Variants in TRHDE observed in about 807,000 individuals in gnomAD.
The protein encoded by TRHDE is thyrotropin-releasing hormone-degrading ectoenzyme.
TRHDE carries 72 observed loss-of-function variants against 125.7 expected under a neutral mutation model. The ratio of observed to expected loss-of-function variants is 0.57; its 90% confidence interval spans 0.47 to 0.70. The LOEUF (loss-of-function observed/expected upper bound fraction) is 0.70. Among genes scored for constraint, TRHDE ranks in the 30% least tolerant of loss-of-function variants. The probability of loss-of-function intolerance (pLI) is 0.00; values close to 1 mark genes in which losing one functional copy is unlikely to be tolerated. For synonymous variants in TRHDE, 509 were observed against 509.1 expected, an observed-to-expected ratio of 1.00 and a Z score of 0.00; for missense variants, 1,110 against 1,327.1, an observed-to-expected ratio of 0.84 and a Z score of 2.54.
chr12:72,269,216 T>A (rs548027365), upstream of TRHDE, among the ~76,000 whole-genome samples: 30 of 152,268 alleles, frequency 2.0e-4, no homozygotes, highest in African/African-American at 7.2e-4. Context: ...GAAAGCGTGC[T>A]ATATATTTTC....
intron 1 of TRHDE, among the ~76,000 whole-genome samples, chr12:72,103,957 G>A (rs115300488): frequency 0.028 from 4,329 of 152,164 alleles, 112 homozygotes; most frequent in African/African-American, 0.063. Flanking sequence ...AGCTGTAGAA[G>A]GCAAGGTATA....
At chr12:72,115,208 T>C (rs1875415131) in intron 2 of TRHDE, among the ~76,000 whole-genome samples, 1 of 151,390 alleles carries the variant, frequency 6.6e-6, no homozygotes, top group South Asian at 2.1e-4. Flanking sequence ...TTTGTAACCC[T>C]TACCATTCCT....
chr12:72,257,128 G>A (rs907829777), intron 2 of TRHDE: 1 of 152,018 alleles, frequency 6.6e-6, no homozygotes, highest in Non-Finnish European at 1.5e-5. Flanking sequence ...TATTATTGGA[G>A]TGATTATGAG....
chr12:72,473,456 T>C (rs1876745541), intron 5 of TRHDE, among the ~76,000 whole-genome samples: 1 of 152,144 alleles, frequency 6.6e-6, no homozygotes, highest in South Asian at 2.1e-4. Context: ...TAAAGGCAAA[T>C]TGTCCTTTAA....
intron 2 of TRHDE, among the ~76,000 whole-genome samples, chr12:72,234,167 A>T (rs1029645962): frequency 1.3e-5 from 2 of 152,034 alleles, no homozygotes; most frequent in Non-Finnish European, 2.9e-5. Context: ...GAATTAAAGA[A>T]TTTTTTTTCT....
At chr12:72,219,931 G>A (rs1355506218) in intron 2 of TRHDE, among the ~76,000 whole-genome samples, 2 of 152,140 alleles carry the variant, frequency 1.3e-5, no homozygotes, top group Non-Finnish European at 2.9e-5. Context: ...TGGGATCTGG[G>A]AAAAGCACTG....
intron 2 of TRHDE, among the ~76,000 whole-genome samples, chr12:72,336,679 C>G (rs1869843263): frequency 6.6e-6 from 1 of 152,274 alleles, no homozygotes; most frequent in South Asian, 2.1e-4. Flanking sequence ...TGGTGAGGGC[C>G]TTTGTGCTGT....
At chr12:72,476,289 T>G (rs1028558426) in intron 5 of TRHDE, among the ~76,000 whole-genome samples, 1 of 152,194 alleles carries the variant, frequency 6.6e-6, no homozygotes, top group African/African-American at 2.4e-5. Context: ...TAGCTCAATA[T>G]AAATCCAGAA....
intron 3 of TRHDE, among the ~76,000 whole-genome samples, chr12:72,459,418 T>A (rs1876019721): frequency 6.6e-6 from 1 of 152,174 alleles, no homozygotes; most frequent in African/African-American, 2.4e-5. Context: ...TAACACTTGC[T>A]AGGTACTGTT....
intron 3 of TRHDE, among the ~76,000 whole-genome samples, chr12:72,382,894 A>G (rs547713198): frequency 1.3e-5 from 2 of 152,254 alleles, no homozygotes; most frequent in South Asian, 4.2e-4. Context: ...ATGCTAGTTC[A>G]TCTCTAAGGA....
chr12:72,653,211 T>C (rs1306857436), intron 17 of TRHDE, 55 bp downstream of exon 17: 3 of 1,469,930 alleles, frequency 2.0e-6, no homozygotes, highest in Non-Finnish European at 2.8e-6. Flanking sequence ...ATAGGAGGAA[T>C]AAAGGCCCAA....
chr12:72,362,571 G>A (rs1360257143), intron 2 of TRHDE, among the ~76,000 whole-genome samples: 2 of 150,664 alleles, frequency 1.3e-5, no homozygotes, highest in Non-Finnish European at 3.0e-5. Context: ...AGTTTAATTA[G>A]ATCCCATTTG....
At chr12:72,308,092 A>G (rs1268930278) in intron 2 of TRHDE, among the ~76,000 whole-genome samples, 1 of 151,928 alleles carries the variant, frequency 6.6e-6, no homozygotes, top group African/African-American at 2.4e-5. Flanking sequence ...CTTTAAGATC[A>G]TCCTCTAGTT....
intron 12 of TRHDE, among the ~76,000 whole-genome samples, chr12:72,580,728 A>G (rs374728582): frequency 1.3e-5 from 2 of 152,366 alleles, no homozygotes; most frequent in Non-Finnish European, 2.9e-5. Context: ...GGCGTGAGCC[A>G]CAGTGCCTTG....
chr12:72,518,164 C>A (rs1315432871), intron 6 of TRHDE, among the ~76,000 whole-genome samples: 5 of 150,838 alleles, frequency 3.3e-5, no homozygotes, highest in Middle Eastern at 6.8e-3. Flanking sequence ...ATTAGGTCTG[C>A]TTGGTGCAGA....
At chr12:72,599,296 A>G (rs992522749) in intron 12 of TRHDE, among the ~76,000 whole-genome samples, 4 of 152,038 alleles carry the variant, frequency 2.6e-5, no homozygotes, top group Non-Finnish European at 4.4e-5. Context: ...GAAAATCTCT[A>G]CAGGCTGCTT....
At chr12:72,392,004 T>C (rs1199628573) in intron 3 of TRHDE, among the ~76,000 whole-genome samples, 1 of 152,130 alleles carries the variant, frequency 6.6e-6, no homozygotes, top group African/African-American at 2.4e-5. Context: ...GTGATAGAAC[T>C]ATTGCGTTTC....
chr12:72,441,150 A>C (rs774128887), intron 3 of TRHDE, among the ~76,000 whole-genome samples: 90 of 151,826 alleles, frequency 5.9e-4, no homozygotes, highest in Non-Finnish European at 9.9e-4. Context: ...CAATGGATAA[A>C]TTTTAACTAC....
chr12:72,417,366 A>G (rs1228419502), intron 3 of TRHDE, among the ~76,000 whole-genome samples: 1 of 152,042 alleles, frequency 6.6e-6, no homozygotes, highest in Admixed American at 6.6e-5. Flanking sequence ...ATTAACAATT[A>G]GACTCTTTTT....
Sources: allele counts gnomAD v4.1 joint callset (sites outside exome capture counted in the v4.1 genomes callset), GRCh38; gene constraint gnomAD v4.1.1; transcripts MANE v1.5; gene names NCBI Gene and HGNC (gene_info 2026-07-23, HGNC 2026-07-21).